CD274: variants seen among roughly 807,000 people sequenced by gnomAD.
The protein encoded by CD274 is CD274 molecule.
CD274 carries 8 observed loss-of-function variants against 30.1 expected under a neutral mutation model. The ratio of observed to expected loss-of-function variants is 0.27; its 90% CI spans 0.16 to 0.48. The LOEUF (loss-of-function observed/expected upper bound fraction) is 0.48. Ranked by LOEUF, CD274 falls within the 20% of genes least tolerant of loss-of-function variation. The probability of loss-of-function intolerance (pLI) is 0.99; values close to 1 mark genes in which losing one functional copy is unlikely to be tolerated. For synonymous variants in CD274, 152 were observed against 124.6 expected, an observed-to-expected ratio of 1.22 and a Z score of -1.46; for missense variants, 353 against 346.6, an observed-to-expected ratio of 1.02 and a Z score of -0.15.
rs777646017 is a variant in CD274, at chr9:5,462,872, G to T, written c.433G>T (p.Asp145Tyr). Residue 145 changes from aspartate (D) to tyrosine (Y), a missense_variant, in exon 4 of 7, where the codon GAT becomes TAT. By Grantham distance (160) the Asp-to-Tyr change is radical. Transcript: ENST00000381577. Reference sequence around the variant, plus strand: ...AATCAACCAAAGAATTTTGGTTGTGGATCCAGTCACCTCTGAACATGAACT... The same window carrying T: ...AATCAACCAAAGAATTTTGGTTGTGTATCCAGTCACCTCTGAACATGAACT... ...NKINQRILVV[D>Y]PVTSEHELTC... The T allele has an allele frequency of 2.5e-6, 4 of 1,613,790 alleles. No individual in the cohort carries two copies. Among genetic ancestry groups the T allele is most frequent in the Non-Finnish European group, 3.4e-6 (4 of 1,179,784 alleles).
At chr9:5,460,653 T>A (rs1207996947) in intron 3 of CD274, among the ~76,000 whole-genome samples, 2 of 152,202 alleles carry the variant, frequency 1.3e-5, no homozygotes. Flanking sequence ...GTCTGGGCCC[T>A]TAATAACCAC....
chr9:5,465,452 A>G (rs999341393), intron 4 of CD274, 47 bp from the exon 5 acceptor site: 2 of 1,165,664 alleles, frequency 1.7e-6, no homozygotes, highest in African/African-American at 3.0e-5. Context: ...CTTCCCATCA[A>G]AATTTTATCT....
chr9:5,460,598 G>C (rs1239415159), intron 3 of CD274, among the ~76,000 whole-genome samples: 2 of 152,126 alleles, frequency 1.3e-5, no homozygotes, highest in African/African-American at 4.8e-5. Flanking sequence ...ACCCAGCCTA[G>C]AAAATGATAA....
At chr9:5,451,582 A>T (rs560754455) in intron 1 of CD274, among the ~76,000 whole-genome samples, 1 of 152,228 alleles carries the variant, frequency 6.6e-6, no homozygotes, top group Non-Finnish European at 1.5e-5. Context: ...TTTAAGGAGA[A>T]CTATGATACT....
In CD274 at chr9:5,457,118, A is replaced by C. The variant is rs778185448; in HGVS notation, c.92A>C (p.Glu31Ala). The C allele has an allele frequency of 3.1e-6, 5 of 1,613,920 alleles. No homozygotes were observed. Among genetic ancestry groups the C allele is most frequent in the Non-Finnish European group, 4.2e-6 (5 of 1,179,798 alleles). ...VTVPKDLYVVEYGSNMTIECK... is the reference protein window; with the variant it reads ...VTVPKDLYVVAYGSNMTIECK... The stretch of plus-strand genomic sequence containing the variant: ...GTTCCCAAGGACCTATATGTGGTAG[A>C]GTATGGTAGCAATATGACAATTGAA... The change falls in exon 3 of 7, where the codon GAG becomes GCG. Residue 31 changes from glutamate (E) to alanine (A), a missense_variant. Glu to Ala is a moderately radical substitution (Grantham distance 107). Transcript: ENST00000381577.
chr9:5,467,466 G>C (rs888661495), intron 6 of CD274, among the ~76,000 whole-genome samples: 3 of 152,092 alleles, frequency 2.0e-5, no homozygotes, highest in Non-Finnish European at 2.9e-5. Flanking sequence ...TTATATTAAG[G>C]TTTCTAATTT....
chr9:5,452,921 T>TG (rs5896124), intron 1 of CD274, among the ~76,000 whole-genome samples: 30,837 of 152,118 alleles, frequency 0.2, 3,545 homozygotes, highest in East Asian at 0.32. Context: ...AGTTTTCTTC[T>TG]GCCTAGTAAG....
At position 5,456,088 on chromosome 9, in the gene CD274, T is replaced by A. The variant is rs1819296809; in HGVS notation, c.-14-12T>A. 6.6e-7 allele frequency: 1 copy of A among 1,524,744 alleles called. No homozygotes were observed. The highest frequency in any genetic ancestry group is 9.1e-7 in the Non-Finnish European group (1 of 1,099,904). The allele number at this position is 1,524,744 out of a possible 1,614,324, so 94.5% of individuals were successfully genotyped here. A position where few individuals can be genotyped will look rare whatever the true frequency, so the allele number is the denominator to read the frequency against. On this transcript the variant is annotated splice_polypyrimidine_tract_variant and intron_variant, in intron 1 of 6. Coordinates refer to ENST00000381577, the MANE Select transcript of CD274 (RefSeq NM_014143.4). ...AGTGAAGCAGTCTTCTTTTCGTGTTTTCCATAATTAGGGCATTCCAGAAAG... is the reference window on the plus strand; with the variant it reads ...AGTGAAGCAGTCTTCTTTTCGTGTTATCCATAATTAGGGCATTCCAGAAAG...
rs369938558 is a variant in CD274 at position 5,465,480 on chromosome 9, G to A, written c.683-19G>A. 83 of 1,463,398 alleles carry A rather than the reference G, an allele frequency of 5.7e-5. No homozygotes were observed. The highest frequency in any genetic ancestry group is 1.2e-4 in the Admixed American group (7 of 59,534). The allele number at this position is 1,463,398 out of a possible 1,614,324, so 90.7% of individuals were successfully genotyped here. A position where few individuals can be genotyped will look rare whatever the true frequency, so the allele number is the denominator to read the frequency against. ...TTTTATCTTTAGTCAGTTTGTTTTC[G>A]TTTTGTTTTGTTTTTCAGAACTACC... On this transcript the variant is annotated intron_variant, in intron 4 of 6. Coordinates refer to ENST00000381577, the MANE Select transcript of CD274 (RefSeq NM_014143.4).
rs1001314041 is a variant in CD274 at position 5,468,067 on chromosome 9, G to C, written c.*205G>C. 1.7e-6 allele frequency: 1 copy of C among 596,592 alleles called. No individual in the cohort carries two copies. The highest frequency in any genetic ancestry group is 3.0e-6 in the Non-Finnish European group (1 of 333,102). The allele number at this position is 596,592 out of a possible 1,614,324, so 37.0% of individuals were successfully genotyped here. ...GATGGAGTCAAACAGGGAGCCTGGA[G>C]GGAGACCTTGATACTTTCAAATGCC... On this transcript the variant is annotated 3_prime_UTR_variant, in exon 7 of 7. Coordinates refer to ENST00000381577, the MANE Select transcript of CD274 (RefSeq NM_014143.4).
At position 5,450,550 on chromosome 9, in the gene CD274, G is replaced by T. The variant is rs763863722; in HGVS notation, c.-61G>T. The T allele has an allele frequency of 4.6e-5, 7 of 152,308 alleles. No homozygotes were observed. Among genetic ancestry groups the T allele is most frequent in the Admixed American group, 4.6e-4 (7 of 15,294 alleles). 9.4% of individuals were successfully genotyped at this position (152,308 alleles called of 1,614,324 possible). ...GCGTCCCGCGCGGCCCCAGTTCTGC[G>T]CAGCTTCCCGAGGCTCCGCACCAGC... is the stretch of plus-strand genomic sequence containing the variant. On this transcript the variant is annotated 5_prime_UTR_variant, in exon 1 of 7. Transcript: ENST00000381577.
intron 6 of CD274, 100 bp from the exon 7 acceptor site, chr9:5,467,740 A>G (rs143100744): frequency 1.1e-6 from 1 of 942,602 alleles, no homozygotes; most frequent in African/African-American, 1.6e-5. Context: ...TTTATCATTT[A>G]TCATATCAGC....
intron 5 of CD274, 36 bp downstream of exon 5, chr9:5,465,642 G>C: frequency 1.6e-6 from 2 of 1,214,338 alleles, no homozygotes; most frequent in East Asian, 4.7e-5. Flanking sequence ...CTCCACTGGG[G>C]GTGAGGAAGG....
Position 5,466,806 on chromosome 9 carries a change from A to G in CD274, c.827A>G (p.Asp276Gly). 1 of 1,611,584 alleles carries G rather than the reference A, an allele frequency of 6.2e-7. No homozygotes were observed. The highest frequency in any genetic ancestry group is 2.2e-5 in the East Asian group (1 of 44,810). Residue 276 changes from aspartate to glycine, a missense_variant, in exon 6 of 7, where the codon GAT becomes GGT. Asp to Gly is a moderately conservative substitution (Grantham distance 94). Transcript: ENST00000381577. ...GATGTGAAAAAATGTGGCATCCAAG[A>G]TACAAACTCAAAGAAGCAAAGTGGT... is the stretch of plus-strand genomic sequence containing the variant. ...MMDVKKCGIQ[D>G]TNSKKQSDTH...
intron 4 of CD274, among the ~76,000 whole-genome samples, chr9:5,464,393 T>C (rs919768304): frequency 3.9e-5 from 6 of 152,150 alleles, no homozygotes; most frequent in South Asian, 2.1e-4. Flanking sequence ...TGAACAGGCA[T>C]TGTAAACTGT....
chr9:5,452,161 C>T (rs1010309331), intron 1 of CD274, among the ~76,000 whole-genome samples: 1 of 151,742 alleles, frequency 6.6e-6, no homozygotes, highest in African/African-American at 2.4e-5. Flanking sequence ...GGACTACAGG[C>T]ACCTGCCACC....
rs759430886 is a variant in CD274, at chr9:5,466,769, G to C, written c.791-1G>C. The C allele has an allele frequency of 6.2e-7, 1 of 1,609,102 alleles. No individual in the cohort carries two copies. Among genetic ancestry groups the C allele is most frequent in the African/African-American group, 1.3e-5 (1 of 74,438 alleles). On this transcript the variant is annotated splice_acceptor_variant, in intron 5 of 6. Transcript: ENST00000381577. LOFTEE classifies it high-confidence loss of function. ...AATAAAAATGATTTCTTTTTCTCAA[G>C]GGAGAATGATGGATGTGAAAAAATG...
rs1296752629 is a variant in CD274, at chr9:5,458,023, C to T, written c.394+603C>T. On this transcript the variant is annotated intron_variant, in intron 3 of 6. Transcript: ENST00000381577. ...CACATTAAGTGTGAAAGAACCTATT[C>T]TTCCAGTACAGGATAAGCCATACTT... 2.0e-5 allele frequency among the ~76,000 whole-genome samples: 3 copies of T among 152,310 alleles called. No homozygotes were observed. In the East Asian group the frequency reaches 5.8e-4, roughly 29 times the overall value.
At chr9:5,457,493 T>C in intron 3 of CD274, 73 bp downstream of exon 3, 1 of 1,195,126 alleles carries the variant, frequency 8.4e-7, no homozygotes, top group East Asian at 2.4e-5. Flanking sequence ...CTTTTCATTC[T>C]TGTAAGTCCA....
Sources: gnomAD v4.1 joint callset for allele counts (sites outside exome capture counted in the v4.1 genomes callset) on GRCh38, gnomAD v4.1.1 for gene constraint, MANE v1.5 for transcripts, NCBI Gene and HGNC (gene_info 2026-07-23, HGNC 2026-07-21) for gene names.